Variants in BTD observed in about 807,000 individuals in gnomAD.
BTD encodes the protein biotinidase, also known as biocytinase.
A neutral mutation model predicts 17.7 loss-of-function variants in BTD; 13 were observed. That is an observed-to-expected ratio of 0.74 (90% CI 0.48 to 1.17). The LOEUF (loss-of-function observed/expected upper bound fraction) is 1.17, where lower values mean the gene tolerates loss of function less well. Among genes scored for constraint, BTD ranks in the 50% most tolerant of loss-of-function variants. BTD has a pLI of 0.00. For synonymous variants in BTD, 240 were observed against 245.2 expected (o/e 0.98, Z 0.20); for missense variants, 674 against 650.4 (o/e 1.04, Z -0.39).
chr3:15,686,054 C>T, intron 3 of BTD: 1 of 1,613,780 alleles, frequency 6.2e-7, no homozygotes, highest in South Asian at 1.1e-5. Context: ...TACATTTGCT[C>T]CTTTGTTCAG....
At chr3:15,689,916 G>T in intron 3 of BTD, 4 of 1,095,034 alleles carry the variant, frequency 3.7e-6, no homozygotes, top group Non-Finnish European at 5.1e-6. Flanking sequence ...AAAAAAAAAG[G>T]TCAAAATTTT....
intron 3 of BTD, among the ~76,000 whole-genome samples, chr3:15,693,441 G>A (rs186962215): frequency 2.6e-5 from 4 of 151,742 alleles, no homozygotes; most frequent in Admixed American, 6.6e-5. Flanking sequence ...GAATACAAAT[G>A]AGAATTTCTA....
chr3:15,717,554 A>G (rs2073215372), downstream of BTD, among the ~76,000 whole-genome samples: 1 of 152,110 alleles, frequency 6.6e-6, no homozygotes, highest in Non-Finnish European at 1.5e-5. Flanking sequence ...AACAAAAACC[A>G]AAATTTAGAG....
chr3:15,722,392 G>A (rs944268208), downstream of BTD, among the ~76,000 whole-genome samples: 4 of 152,202 alleles, frequency 2.6e-5, no homozygotes, highest in African/African-American at 7.2e-5. Context: ...TCCTGACTCC[G>A]TGAAGAGTGG....
intron 1 of BTD, among the ~76,000 whole-genome samples, chr3:15,605,379 A>G (rs762498318): frequency 2.0e-5 from 3 of 152,122 alleles, no homozygotes; most frequent in Admixed American, 6.5e-5. Flanking sequence ...ACCCTCCCCA[A>G]TGATTCAGTT....
chr3:15,674,697 A>G (rs927057813), intron 3 of BTD, among the ~76,000 whole-genome samples: 57 of 152,210 alleles, frequency 3.7e-4, no homozygotes, highest in African/African-American at 1.3e-3. Flanking sequence ...AGAACGAAGA[A>G]TTGAGTCCTA....
At chr3:15,682,093 A>C (rs1384491030) in intron 3 of BTD, among the ~76,000 whole-genome samples, 1 of 152,150 alleles carries the variant, frequency 6.6e-6, no homozygotes, top group East Asian at 1.9e-4. Flanking sequence ...AAAAAATATG[A>C]ATAAAAACAC....
At chr3:15,698,599 GACAA>G (rs1465101229) in intron 3 of BTD, among the ~76,000 whole-genome samples, 5 of 152,196 alleles carry the variant, frequency 3.3e-5, no homozygotes, top group South Asian at 2.1e-4. Flanking sequence ...ACCAATAACA[GACAA>G]ACAGAGAGCC....
rs983900524 is a variant in BTD at position 15,613,279 on chromosome 3, G to A, written c.-17+11385G>A. Among the ~76,000 whole-genome samples the A allele has an allele frequency of 2.0e-5, 3 of 152,022 alleles. No homozygotes were observed. In the East Asian group the frequency reaches 5.8e-4, roughly 29 times the overall value. On this transcript the variant is annotated intron_variant, in intron 1 of 3. Transcript: ENST00000643237. ...TCCAATTATGCATATGATGGATCTCGTTCACTGTTCTCCCTGTCTATCATT... is the reference window on the plus strand; with the variant it reads ...TCCAATTATGCATATGATGGATCTCATTCACTGTTCTCCCTGTCTATCATT...
intron 3 of BTD, among the ~76,000 whole-genome samples, chr3:15,662,453 C>T (rs531652039): frequency 2.0e-5 from 3 of 152,264 alleles, no homozygotes; most frequent in Non-Finnish European, 4.4e-5. Flanking sequence ...TGTATATGAA[C>T]CTTGTATCTT....
chr3:15,644,481 C>T lies in BTD; in HGVS notation c.565C>T (p.Arg189Cys), dbSNP rs369102875. ...VFSNNGTLVD[R>C]YRKHNLYFEA... is the part of the protein sequence containing the mutation. ...CAGCAATAATGGAACCCTTGTTGAC[C>T]GCTACCGTAAACACAACCTCTACTT... The change falls in exon 4 of 4, where the codon CGC becomes TGC. Residue 189 changes from arginine (R) to cysteine (C), a missense_variant. Coordinates refer to ENST00000643237, the MANE Select transcript of BTD (RefSeq NM_001370658.1). The T allele has an allele frequency of 4.2e-5, 67 of 1,613,982 alleles. No individual in the cohort carries two copies. The Middle Eastern group carries it at 4.9e-4, about 12-fold the overall frequency.
At chr3:15,698,500 CA>C (rs1230773970) in intron 3 of BTD, among the ~76,000 whole-genome samples, 1 of 152,168 alleles carries the variant, frequency 6.6e-6, no homozygotes. Flanking sequence ...CCCATCGTCT[CA>C]GCTCAAAATC....
At chr3:15,606,029 C>CT (rs1559575142) in intron 1 of BTD, among the ~76,000 whole-genome samples, 6 of 125,056 alleles carry the variant, frequency 4.8e-5, no homozygotes, top group African/African-American at 1.6e-4. Flanking sequence ...GGTGACAGAG[C>CT]GAGACCCTGT....
downstream of BTD, among the ~76,000 whole-genome samples, chr3:15,715,354 A>G (rs2072878354): frequency 6.6e-6 from 1 of 152,238 alleles, no homozygotes; most frequent in Admixed American, 6.5e-5. Context: ...TGCCTTCTGC[A>G]TAGGTACTAA....
intron 3 of BTD, chr3:15,684,304 T>C (rs2067865259): frequency 6.6e-6 from 1 of 152,192 alleles, no homozygotes; most frequent in Non-Finnish European, 1.5e-5. Context: ...TACGTGACCT[T>C]TTATGAGTCT....
intron 3 of BTD, chr3:15,697,258 A>G (rs540479387): frequency 3.9e-5 from 6 of 153,382 alleles, no homozygotes; most frequent in African/African-American, 9.6e-5. Context: ...CACAAAAATG[A>G]TAGAATGGAC....
At chr3:15,622,846 G>C (rs1298107844) in intron 1 of BTD, among the ~76,000 whole-genome samples, 1 of 152,182 alleles carries the variant, frequency 6.6e-6, no homozygotes, top group Admixed American at 6.5e-5. Context: ...AGTCAGCTCT[G>C]TCTGAAATTT....
intron 1 of BTD, among the ~76,000 whole-genome samples, chr3:15,608,021 A>T (rs547775260): frequency 7.2e-4 from 110 of 152,378 alleles, no homozygotes; most frequent in African/African-American, 2.5e-3. Flanking sequence ...CAACTTTATT[A>T]TTGAGCTGAG....
At chr3:15,718,616 TGCC>T (rs1240736700) in intron 4 of BTD, among the ~76,000 whole-genome samples, 1 of 152,212 alleles carries the variant, frequency 6.6e-6, no homozygotes, top group Non-Finnish European at 1.5e-5. Context: ...TAAATATTCA[TGCC>T]AAAATGGCAG....
Sources: allele counts gnomAD v4.1 joint callset (sites outside exome capture counted in the v4.1 genomes callset), GRCh38; gene constraint gnomAD v4.1.1; transcripts MANE v1.5; gene names NCBI Gene and HGNC (gene_info 2026-07-23, HGNC 2026-07-21).